The following F10 variants were observed in gnomAD, a reference collection of about 807,000 sequenced individuals.
F10 encodes Stuart-Prower factor.
Under a neutral mutation model 37.1 loss-of-function variants are expected in F10, and 29 were observed. The observed-to-expected ratio is 0.78, with a 90% CI of 0.58 to 1.07. The LOEUF (loss-of-function observed/expected upper bound fraction) is 1.07, where lower values mean the gene tolerates loss of function less well. F10 is among the 50% of genes least tolerant of loss of function. The pLI is 0.00. For missense variants in F10, 539 were observed against 667.9 expected, an observed-to-expected ratio of 0.81 and a Z score of 2.13; for synonymous variants, 262 against 268.6, an observed-to-expected ratio of 0.98 and a Z score of 0.24.
intron 6 of F10, among the ~76,000 whole-genome samples, chr13:113,145,294 G>A (rs541971398): frequency 6.6e-6 from 1 of 152,312 alleles, no homozygotes; most frequent in African/African-American, 2.4e-5. Context: ...CCAAAGTGCT[G>A]GAGTTACAGG....
rs754739333 is a variant in F10, at chr13:113,142,486, C to T, written c.503-1365C>T. Among the ~76,000 whole-genome samples, 4 of 136,874 alleles carry T rather than the reference C, an allele frequency of 2.9e-5. 1 individual carries two copies. The highest frequency in any genetic ancestry group is 6.4e-5 in the Non-Finnish European group (4 of 62,596). 89.8% of individuals were successfully genotyped at this position (136,874 alleles called of 152,430 possible). A position where few individuals can be genotyped will look rare whatever the true frequency, so the allele number is the denominator to read the frequency against. On this transcript the variant is annotated intron_variant, in intron 5 of 7. Coordinates refer to ENST00000375559, the MANE Select transcript of F10 (RefSeq NM_000504.4). ...AATGGCGTGAACCTGGAAGGCGGAG[C>T]TTGCACTGAGCACTGAGCCGAGATT...
rs1037322432 is a variant in F10, at chr13:113,143,244, T to C, written c.503-607T>C. Among the ~76,000 whole-genome samples the C allele has an allele frequency of 6.6e-6, 1 of 151,832 alleles. No homozygotes were observed. The highest frequency in any genetic ancestry group is 1.5e-5 in the Non-Finnish European group (1 of 67,960). On this transcript the variant is annotated intron_variant, in intron 5 of 7. Coordinates refer to ENST00000375559, the MANE Select transcript of F10 (RefSeq NM_000504.4). This position sits in a 1 kb window ranked among gnomAD's most constrained non-coding sequence, Gnocchi z 6.8. The stretch of plus-strand genomic sequence containing the variant: ...CATTCTCTTGGCCTTGGTGCCCTAA[T>C]TGGCCGTTATACAAAAGGAAGCTTC...
At position 113,141,192 on chromosome 13, in the gene F10, C is replaced by A; in HGVS notation, c.502+142C>A. 8.1e-7 allele frequency: 1 copy of A among 1,238,324 alleles called. No individual in the cohort carries two copies. The highest frequency in any genetic ancestry group is 1.1e-6 in the Non-Finnish European group (1 of 884,720). The allele number at this position is 1,238,324 out of a possible 1,614,324, so 76.7% of individuals were successfully genotyped here. On this transcript the variant is annotated intron_variant, in intron 5 of 7. Coordinates refer to ENST00000375559, the MANE Select transcript of F10 (RefSeq NM_000504.4). The surrounding 1 kb of genome is among the most constrained non-coding windows in gnomAD (Gnocchi z 5.4). ...TGACACCAAGAGGACAGGACTGAGC[C>A]CTGGGCTCCGGGCCCAGGTGGTTCA...
intron 2 of F10, among the ~76,000 whole-genome samples, chr13:113,134,278 A>G (rs2036459099): frequency 6.6e-6 from 1 of 152,200 alleles, no homozygotes; most frequent in Non-Finnish European, 1.5e-5. Context: ...TGAAGGGGAA[A>G]AAAGCTTGTT....
Position 113,143,759 on chromosome 13 carries a change from G to A in F10, c.503-92G>A, listed in dbSNP as rs1742450073. On this transcript the variant is annotated intron_variant, in intron 5 of 7. Coordinates refer to ENST00000375559, the MANE Select transcript of F10 (RefSeq NM_000504.4). The surrounding 1 kb of genome is among the most constrained non-coding windows in gnomAD (Gnocchi z 6.8). ...CGGGTGCCCCTGCGCTCTGCCTCCCGGCTCTCTGACTCTTCTCCCTCAGGG... is the reference window on the plus strand; with the variant it reads ...CGGGTGCCCCTGCGCTCTGCCTCCCAGCTCTCTGACTCTTCTCCCTCAGGG... 1.3e-5 allele frequency: 21 copies of A among 1,584,254 alleles called. No homozygotes were observed. The highest frequency in any genetic ancestry group is 6.7e-5 in the East Asian group (3 of 44,546).
rs2036555025 is a variant in F10, at chr13:113,143,810, T to C, written c.503-41T>C. On this transcript the variant is annotated intron_variant, in intron 5 of 7. Coordinates refer to ENST00000375559, the MANE Select transcript of F10 (RefSeq NM_000504.4). This position sits in a 1 kb window ranked among gnomAD's most constrained non-coding sequence, Gnocchi z 6.8. ...TGAGCTGTGCAGGCTATGGGGAGCC[T>C]CTCTCTGTGCTGAAGGCCCCGGCCG... 2 of 1,606,738 alleles carry C rather than the reference T, an allele frequency of 1.2e-6. No individual in the cohort carries two copies. Among genetic ancestry groups the C allele is most frequent in the African/African-American group, 1.3e-5 (1 of 74,806 alleles).
chr13:113,144,185 A>C lies in F10; in HGVS notation c.747+90A>C. The C allele has an allele frequency of 6.3e-7, 1 of 1,587,474 alleles. No homozygotes were observed. Among genetic ancestry groups the C allele is most frequent in the East Asian group, 2.2e-5 (1 of 44,754 alleles). ...AGGCCAGCCTGACACTTGGAATAGC[A>C]ATCCGGGAAGGAACTGTTCCGAACT... is the stretch of plus-strand genomic sequence containing the variant. On this transcript the variant is annotated intron_variant, in intron 6 of 7. Transcript: ENST00000375559. The surrounding 1 kb of genome is among the most constrained non-coding windows in gnomAD (Gnocchi z 6.4).
intron 6 of F10, among the ~76,000 whole-genome samples, chr13:113,145,242 T>A (rs1461877359): frequency 6.6e-5 from 10 of 152,136 alleles, no homozygotes; most frequent in Non-Finnish European, 1.5e-5. Flanking sequence ...GCCAGGCTGG[T>A]CTCAAACTCC....
rs1374609651 is a variant in F10 at position 113,148,976 on chromosome 13, T to C, written c.926T>C (p.Ile309Thr). Residue 309 changes from isoleucine to threonine, a missense_variant, in exon 8 of 8, where the codon ATC becomes ACC. By Grantham distance (89) the Ile-to-Thr change is moderately conservative (BLOSUM62 -1). Transcript: ENST00000375559. ...GCGGTGCACGAGGTGGAGGTGGTCA[T>C]CAAGCACAACCGGTTCACAAAGGAG... is the stretch of plus-strand genomic sequence containing the variant. Reference protein sequence around the residue: ...GEAVHEVEVVIKHNRFTKETY... With the variant: ...GEAVHEVEVVTKHNRFTKETY... 2.5e-6 allele frequency: 4 copies of C among 1,613,428 alleles called. No individual in the cohort carries two copies. In the Admixed American group the frequency reaches 6.7e-5, roughly 27 times the overall value.
rs761344597 is a variant in F10 at position 113,141,026 on chromosome 13, A to G, written c.478A>G (p.Asn160Asp). 2 of 1,614,000 alleles carry G rather than the reference A, an allele frequency of 1.2e-6. No individual in the cohort carries two copies. The highest frequency in any genetic ancestry group is 2.2e-5 in the East Asian group (1 of 44,874). ...CGCCCGCGGGTACACCCTGGCTGAC[A>G]ACGGCAAGGCCTGCATTCCCACAGG... ...SCARGYTLADNGKACIPTGPY... is the reference protein window; with the variant it reads ...SCARGYTLADDGKACIPTGPY... Residue 160 changes from asparagine (N) to aspartate (D), a missense_variant, in exon 5 of 8, where the codon AAC becomes GAC. By Grantham distance (23) the Asn-to-Asp change is conservative. Around this residue, in one of 2 missense-constraint regions of F10, gnomAD observed 409 missense variants for 547.9 expected, o/e 0.75. Coordinates refer to ENST00000375559, the MANE Select transcript of F10 (RefSeq NM_000504.4). This position sits in a 1 kb window ranked among gnomAD's most constrained non-coding sequence, Gnocchi z 5.4.
chr13:113,122,977 G>T, intron 1 of F10, 52 bp downstream of exon 1: 2 of 1,589,048 alleles, frequency 1.3e-6, no homozygotes, highest in Non-Finnish European at 1.7e-6. Flanking sequence ...GAGCAGGGAG[G>T]GGCGGCAGTT....
rs982990121 is a variant in F10, at chr13:113,129,330, G to A, written c.71-122G>A. The A allele has an allele frequency of 6.2e-6, 8 of 1,283,374 alleles. No individual in the cohort carries two copies. In the African/African-American group the frequency reaches 1.0e-4, roughly 16 times the overall value. The allele number at this position is 1,283,374 out of a possible 1,614,324, so 79.5% of individuals were successfully genotyped here. On this transcript the variant is annotated intron_variant, in intron 1 of 7. Transcript: ENST00000375559. The stretch of plus-strand genomic sequence containing the variant: ...TTAGAATTTTATTTTTGGTTTACAA[G>A]AGAGTGATCCGCCTTTTGTGATCTG...
Position 113,145,170 on chromosome 13 carries a change from G to A in F10, c.747+1075G>A, listed in dbSNP as rs558872512. ...GCTGGGATTACAGGCGTGAGACAAT[G>A]TGCCCGGCCATGCCTGGCTAATTTT... On this transcript the variant is annotated intron_variant, in intron 6 of 7. Transcript: ENST00000375559. 2.6e-5 allele frequency among the ~76,000 whole-genome samples: 4 copies of A among 152,254 alleles called. No individual in the cohort carries two copies. In the South Asian group the frequency reaches 6.2e-4, roughly 24 times the overall value.
At chr13:113,132,718 AT>A (rs1375090020) in intron 2 of F10, among the ~76,000 whole-genome samples, 3 of 152,224 alleles carry the variant, frequency 2.0e-5, no homozygotes, top group Admixed American at 2.0e-4. Context: ...TGAGTTTATC[AT>A]TTTTTCCTCC....
In F10 at chr13:113,143,628, C is replaced by A. The variant is rs2036552839; in HGVS notation, c.503-223C>A. Among the ~76,000 whole-genome samples the A allele has an allele frequency of 1.3e-5, 2 of 152,246 alleles. No individual in the cohort carries two copies. Among genetic ancestry groups the A allele is most frequent in the South Asian group, 4.1e-4 (2 of 4,834 alleles). On this transcript the variant is annotated intron_variant, in intron 5 of 7. Transcript: ENST00000375559. This position sits in a 1 kb window ranked among gnomAD's most constrained non-coding sequence, Gnocchi z 6.8. ...GTTGCTGCCTGGCGTCCATTGTTCACAGGCGGTCACCTGAGGGGAGGCCAA... is the reference window on the plus strand; with the variant it reads ...GTTGCTGCCTGGCGTCCATTGTTCAAAGGCGGTCACCTGAGGGGAGGCCAA...
At position 113,143,894 on chromosome 13, in the gene F10, G is replaced by A. The variant is rs780331898; in HGVS notation, c.546G>A (p.Arg182=). ...CGKQTLERRK[R]SVAQATSSSG... Reference sequence around the variant, plus strand: ...AACAGACCCTGGAACGCAGGAAGAGGTCAGTGGCCCAGGCCACCAGCAGCA... The same window carrying A: ...AACAGACCCTGGAACGCAGGAAGAGATCAGTGGCCCAGGCCACCAGCAGCA... Residue 182 remains arginine, a synonymous_variant, in exon 6 of 8, where the codon AGG becomes AGA. Coordinates refer to ENST00000375559, the MANE Select transcript of F10 (RefSeq NM_000504.4). This position sits in a 1 kb window ranked among gnomAD's most constrained non-coding sequence, Gnocchi z 6.8. 3.7e-6 allele frequency: 6 copies of A among 1,613,284 alleles called. No homozygotes were observed. Among genetic ancestry groups the A allele is most frequent in the Non-Finnish European group, 5.1e-6 (6 of 1,180,002 alleles).
At chr13:113,131,465 C>T (rs539192251) in intron 2 of F10, 1 of 152,690 alleles carries the variant, frequency 6.5e-6, no homozygotes, top group Non-Finnish European at 1.5e-5. Flanking sequence ...TTCTCCTCAC[C>T]CTTCTGGAGA....
chr13:113,136,364 C>T (rs908761553), intron 2 of F10, among the ~76,000 whole-genome samples: 10 of 152,052 alleles, frequency 6.6e-5, no homozygotes, highest in Non-Finnish European at 1.3e-4. Flanking sequence ...ACTCGGCAAT[C>T]CCATTTCTGG....
chr13:113,139,436 T>C lies in F10; in HGVS notation c.336T>C (p.Cys112=), dbSNP rs1443227223. 1.9e-6 allele frequency: 3 copies of C among 1,613,862 alleles called. No homozygotes were observed. The highest frequency in any genetic ancestry group is 2.2e-5 in the East Asian group (1 of 44,880). Residue 112 remains cysteine, a synonymous_variant, in exon 4 of 8, where the codon TGT becomes TGC. Transcript: ENST00000375559. This position sits in a 1 kb window ranked among gnomAD's most constrained non-coding sequence, Gnocchi z 5.2. ...KDGLGEYTCT[C]LEGFEGKNCE... is the part of the protein sequence containing the mutation. The stretch of plus-strand genomic sequence containing the variant: ...GCCTCGGGGAATACACCTGCACCTG[T>C]TTAGAAGGATTCGAAGGCAAAAACT...
Sources: allele counts gnomAD v4.1 joint callset (sites outside exome capture counted in the v4.1 genomes callset), GRCh38; gene constraint gnomAD v4.1.1; regional missense constraint gnomAD v4.1.1; non-coding constraint Gnocchi (gnomAD v3.1); transcripts MANE v1.5; gene names NCBI Gene and HGNC (gene_info 2026-07-23, HGNC 2026-07-21).